ECT2L: variants seen among roughly 807,000 people sequenced by gnomAD.
ECT2L encodes the protein epithelial cell transforming 2 like.
A neutral mutation model predicts 122.8 loss-of-function variants in ECT2L; 126 were observed. The observed-to-expected ratio is 1.03, with a 90% CI of 0.89 to 1.19. The LOEUF (loss-of-function observed/expected upper bound fraction) is 1.19, where lower values mean the gene tolerates loss of function less well. Among genes scored for constraint, ECT2L ranks in the 50% most tolerant of loss-of-function variants. The pLI, the probability that ECT2L is intolerant of heterozygous loss-of-function variation, is 0.00. For missense variants in ECT2L, 1,012 were observed against 1,064.1 expected (o/e 0.95, Z 0.68); for synonymous variants, 385 against 381.8 (o/e 1.01, Z -0.10).
At chr6:138,901,164 C>G in intron 21 of ECT2L, 44 bp downstream of exon 21, 1 of 1,584,332 alleles carries the variant, frequency 6.3e-7, no homozygotes, top group South Asian at 1.1e-5. Context: ...CTTCAAAAAG[C>G]TATATAATGT....
At chr6:138,891,052 G>A (rs1779004316) in intron 20 of ECT2L, among the ~76,000 whole-genome samples, 1 of 152,064 alleles carries the variant, frequency 6.6e-6, no homozygotes, top group Admixed American at 6.6e-5. Context: ...AATGAGTTCA[G>A]GCCATGATAG....
At chr6:138,849,494 C>A in intron 9 of ECT2L, 60 bp downstream of exon 9, 1 of 1,496,194 alleles carries the variant, frequency 6.7e-7, no homozygotes, top group Non-Finnish European at 9.0e-7. Flanking sequence ...ACTTTGTCCA[C>A]AGTGTGACTT....
chr6:138,893,627 G>C (rs1361388847), intron 20 of ECT2L, among the ~76,000 whole-genome samples: 1 of 151,988 alleles, frequency 6.6e-6, no homozygotes, highest in Non-Finnish European at 1.5e-5. Context: ...TTACCATGTT[G>C]GCCAGGCTGG....
intron 11 of ECT2L, among the ~76,000 whole-genome samples, chr6:138,863,339 A>C (rs1777906118): frequency 6.6e-6 from 1 of 152,204 alleles, no homozygotes; most frequent in African/African-American, 2.4e-5. Context: ...GAAACTATAT[A>C]AATCATTGCT....
intron 11 of ECT2L, among the ~76,000 whole-genome samples, chr6:138,864,361 A>G (rs1047050579): frequency 1.3e-5 from 2 of 152,212 alleles, no homozygotes; most frequent in African/African-American, 4.8e-5. Context: ...TCACATGTCT[A>G]TCAGTAACAG....
chr6:138,879,130 G>T, intron 14 of ECT2L: 1 of 215,968 alleles, frequency 4.6e-6, no homozygotes, highest in South Asian at 6.5e-5. Flanking sequence ...CTGTTTCATT[G>T]ATTGGCCATC....
Position 138,882,724 on chromosome 6 carries a change from G to A in ECT2L, c.1881G>A (p.Arg627=), listed in dbSNP as rs749615664. 6.2e-6 allele frequency: 10 copies of A among 1,613,580 alleles called. No homozygotes were observed. Among genetic ancestry groups the A allele is most frequent in the Non-Finnish European group, 8.5e-6 (10 of 1,179,906 alleles). The change falls in exon 16 of 22, where the codon AGG becomes AGA. Residue 627 remains arginine (R), a splice_region_variant and synonymous_variant. Coordinates refer to ENST00000541398, the MANE Select transcript of ECT2L (RefSeq NM_001077706.3). ...TGCTTATGCTCTTCTCATACCACAG[G>A]CAGTTTCTAGATAACCTGAGAGACA... is the stretch of plus-strand genomic sequence containing the variant. ...CDILQILSLN[R]QFLDNLRDRL...
At chr6:138,849,085 TCTC>T (rs1476790294) in intron 8 of ECT2L, among the ~76,000 whole-genome samples, 181 bp from the exon 9 acceptor site, 1 of 152,228 alleles carries the variant, frequency 6.6e-6, no homozygotes, top group Non-Finnish European at 1.5e-5. Context: ...TACTTAATTT[TCTC>T]CTCCTATAAT....
intron 4 of ECT2L, among the ~76,000 whole-genome samples, chr6:138,833,954 G>C (rs1776740262): frequency 6.6e-6 from 1 of 152,008 alleles, no homozygotes; most frequent in Admixed American, 6.6e-5. Context: ...AGAAAACAGG[G>C]ACCTCTGCCA....
At position 138,868,134 on chromosome 6, in the gene ECT2L, C is replaced by T. The variant is rs1490275201; in HGVS notation, c.1506C>T (p.Thr502=). Residue 502 remains threonine (T), a synonymous_variant, in exon 13 of 22, where the codon ACC becomes ACT. Transcript: ENST00000541398. ...GQFMFDTMGM[T]NILNNQDTAQ... is the part of the protein sequence containing the mutation. ...TTATGTTTGACACCATGGGTATGACCAACATTCTAAACAACCAAGATACTG... is the reference window on the plus strand; with the variant it reads ...TTATGTTTGACACCATGGGTATGACTAACATTCTAAACAACCAAGATACTG... The T allele has an allele frequency of 4.3e-6, 7 of 1,612,586 alleles. No individual in the cohort carries two copies. Among genetic ancestry groups the T allele is most frequent in the Non-Finnish European group, 5.9e-6 (7 of 1,179,228 alleles).
intron 4 of ECT2L, among the ~76,000 whole-genome samples, chr6:138,824,348 CAG>C (rs1413872003): frequency 3.3e-5 from 5 of 151,156 alleles, no homozygotes; most frequent in Non-Finnish European, 7.4e-5. Context: ...CCATCTAAAA[CAG>C]ATTATTAAAG....
At chr6:138,889,198 G>C (rs2128410767) in intron 20 of ECT2L, among the ~76,000 whole-genome samples, 167 bp downstream of exon 20, 1 of 152,294 alleles carries the variant, frequency 6.6e-6, no homozygotes, top group Middle Eastern at 3.4e-3. Context: ...AGATAGTGTA[G>C]GGTATTTTAT....
intron 1 of ECT2L, among the ~76,000 whole-genome samples, chr6:138,810,352 A>C (rs1471347094): frequency 2.6e-5 from 4 of 152,140 alleles, no homozygotes; most frequent in Non-Finnish European, 5.9e-5. Flanking sequence ...CATTGTTAGG[A>C]TCTCCGAATG....
At chr6:138,849,712 G>C (rs1777364057) in intron 9 of ECT2L, among the ~76,000 whole-genome samples, 1 of 152,012 alleles carries the variant, frequency 6.6e-6, no homozygotes, top group South Asian at 2.1e-4. Flanking sequence ...GGGACCACAG[G>C]TGTGTGCCGC....
chr6:138,823,116 G>A (rs1776323770), intron 4 of ECT2L: 2 of 1,492,310 alleles, frequency 1.3e-6, no homozygotes, highest in Admixed American at 2.1e-5. Context: ...ACTAAACTTT[G>A]TCTCTGGAAT....
intron 20 of ECT2L, among the ~76,000 whole-genome samples, chr6:138,896,173 C>G (rs1779205079): frequency 6.7e-6 from 1 of 149,826 alleles, no homozygotes; most frequent in African/African-American, 2.5e-5. Flanking sequence ...TCAGATGATC[C>G]TCCCAACTCG....
At chr6:138,887,227 TA>T (rs1778859971) in intron 19 of ECT2L, among the ~76,000 whole-genome samples, 2 of 124,352 alleles carry the variant, frequency 1.6e-5, no homozygotes, top group African/African-American at 8.2e-5. Flanking sequence ...TTCTTTTCTT[TA>T]ATTTTTTTTT....
intron 4 of ECT2L, among the ~76,000 whole-genome samples, chr6:138,836,083 C>T (rs2038668664): frequency 6.6e-6 from 1 of 151,886 alleles, no homozygotes; most frequent in Non-Finnish European, 1.5e-5. Context: ...CAGTGGATCG[C>T]GTCGGGGGGC....
At chr6:138,871,403 A>G (rs1423999480) in intron 13 of ECT2L, among the ~76,000 whole-genome samples, 2 of 152,184 alleles carry the variant, frequency 1.3e-5, no homozygotes, top group Non-Finnish European at 2.9e-5. Flanking sequence ...TGCTTCTTTA[A>G]AGGACAGTGC....
Sources: gnomAD v4.1 joint callset for allele counts (sites outside exome capture counted in the v4.1 genomes callset) on GRCh38, gnomAD v4.1.1 for gene constraint, MANE v1.5 for transcripts, NCBI Gene and HGNC (gene_info 2026-07-23, HGNC 2026-07-21) for gene names.